ENOX1: variants seen among roughly 807,000 people sequenced by gnomAD.
ENOX1 encodes the protein candidate growth-related and time keeping constitutive hydroquinone (NADH) oxidase.
Under a neutral mutation model 82.5 loss-of-function variants are expected in ENOX1, and 42 were observed. The observed-to-expected ratio is 0.51, with a 90% CI of 0.40 to 0.66. The LOEUF (loss-of-function observed/expected upper bound fraction) is 0.66, where lower values mean the gene tolerates loss of function less well. ENOX1 is among the 30% of genes least tolerant of loss of function. The pLI is 0.00. For synonymous variants in ENOX1, 271 were observed against 282.2 expected (o/e 0.96, Z 0.40); for missense variants, 608 against 811.6 (o/e 0.75, Z 3.05).
chr13:43,395,674 C>T (rs557332029), intron 5 of ENOX1, among the ~76,000 whole-genome samples: 14 of 152,292 alleles, frequency 9.2e-5, no homozygotes, highest in African/African-American at 2.9e-4. Flanking sequence ...TCCATACTTT[C>T]GTTATTTTTG....
intron 15 of ENOX1, among the ~76,000 whole-genome samples, chr13:43,233,962 T>C (rs984318791): frequency 3.9e-5 from 6 of 152,250 alleles, no homozygotes; most frequent in East Asian, 1.9e-4. Context: ...AGAGGGCTCC[T>C]AGAATCATTC....
chr13:43,572,477 T>A (rs1022893633), intron 2 of ENOX1, among the ~76,000 whole-genome samples: 1 of 152,194 alleles, frequency 6.6e-6, no homozygotes, highest in Non-Finnish European at 1.5e-5. Context: ...CACAGCTCAA[T>A]GAAAACAATG....
intron 2 of ENOX1, among the ~76,000 whole-genome samples, chr13:43,501,964 T>C (rs79476994): frequency 0.035 from 5,284 of 151,464 alleles, 316 homozygotes; most frequent in African/African-American, 0.12. Context: ...AGTTGGTTTT[T>C]TGAAAAGATA....
chr13:43,349,904 C>G (rs2049661216), intron 8 of ENOX1, among the ~76,000 whole-genome samples: 1 of 149,494 alleles, frequency 6.7e-6, no homozygotes, highest in African/African-American at 2.4e-5. Context: ...CCTGTCCCCA[C>G]AGCTGTCACT....
At chr13:43,611,530 G>T (rs1226688803) in intron 2 of ENOX1, among the ~76,000 whole-genome samples, 1 of 152,142 alleles carries the variant, frequency 6.6e-6, no homozygotes, top group Non-Finnish European at 1.5e-5. Flanking sequence ...ACTCCCTGAA[G>T]TACTGCTGAT....
intron 1 of ENOX1, among the ~76,000 whole-genome samples, chr13:43,705,477 A>T (rs2087213989): frequency 6.6e-6 from 1 of 151,850 alleles, no homozygotes; most frequent in South Asian, 2.1e-4. Flanking sequence ...GTTTAAAAAA[A>T]AGAATGAAAA....
chr13:43,551,910 A>G (rs1566510021), intron 2 of ENOX1, among the ~76,000 whole-genome samples: 1 of 151,926 alleles, frequency 6.6e-6, no homozygotes. Flanking sequence ...ATTTTTTTCC[A>G]TTTGCTTCTT....
chr13:43,300,997 C>G (rs370297060), intron 11 of ENOX1, among the ~76,000 whole-genome samples: 3 of 152,072 alleles, frequency 2.0e-5, no homozygotes. Flanking sequence ...CTGACAGCTC[C>G]GTTTACCAAG....
chr13:43,556,312 G>C (rs1477942230), intron 2 of ENOX1, among the ~76,000 whole-genome samples: 3 of 151,810 alleles, frequency 2.0e-5, no homozygotes, highest in African/African-American at 4.8e-5. Context: ...ATTTTGCAGA[G>C]ATTCATATTA....
At chr13:43,242,188 C>T (rs2042868285) in intron 14 of ENOX1, among the ~76,000 whole-genome samples, 1 of 152,230 alleles carries the variant, frequency 6.6e-6, no homozygotes. Context: ...TCCCAGTCCT[C>T]TTACCATGTG....
Position 43,251,481 on chromosome 13 carries a change from C to T in ENOX1, c.1611+13917G>A, listed in dbSNP as rs75146810. On this transcript the variant is annotated intron_variant, in intron 14 of 16. Transcript: ENST00000690772. ...GTTCTGCAAGGAATACATACAAATT[C>T]TCCACTTTAAGGAACATGATCTGAG... Among the ~76,000 whole-genome samples the T allele has an allele frequency of 1.3e-4, 20 of 152,304 alleles. No homozygotes were observed. The East Asian group carries it at 3.5e-3, about 26-fold the overall frequency.
At chr13:43,625,953 G>C (rs1417420292) in intron 2 of ENOX1, among the ~76,000 whole-genome samples, 1 of 151,838 alleles carries the variant, frequency 6.6e-6, no homozygotes, top group Non-Finnish European at 1.5e-5. Flanking sequence ...GAATTCTCCA[G>C]TAAAACAAAT....
chr13:43,480,331 T>A (rs1399313595), intron 3 of ENOX1, among the ~76,000 whole-genome samples: 1 of 152,170 alleles, frequency 6.6e-6, no homozygotes, highest in East Asian at 1.9e-4. Context: ...TGAAGAAACA[T>A]CAATAGATGA....
chr13:43,722,788 T>A (rs926311687), intron 1 of ENOX1, among the ~76,000 whole-genome samples: 1 of 152,160 alleles, frequency 6.6e-6, no homozygotes, highest in Non-Finnish European at 1.5e-5. Flanking sequence ...TTCCACTGAA[T>A]TCAAAGTCAA....
At chr13:43,436,137 T>C (rs2025480) in intron 3 of ENOX1, among the ~76,000 whole-genome samples, 65,296 of 152,096 alleles carry the variant, frequency 0.43, 14,662 homozygotes, top group South Asian at 0.56. Flanking sequence ...ACAATAGTAG[T>C]TTTATTCTCT....
intron 2 of ENOX1, among the ~76,000 whole-genome samples, chr13:43,612,430 G>C (rs2082236527): frequency 6.6e-6 from 1 of 152,164 alleles, no homozygotes; most frequent in Non-Finnish European, 1.5e-5. Flanking sequence ...AAAGGGAACT[G>C]AATTTTCATT....
In ENOX1 at chr13:43,473,060, A is replaced by C. The variant is rs999057521; in HGVS notation, c.-75+10949T>G. The stretch of plus-strand genomic sequence containing the variant: ...AAATGAAAATAGGTTTTCATAAATT[A>C]TATTTTCTATGGGTCTTGTATTATC... On this transcript the variant is annotated intron_variant, in intron 3 of 16. Transcript: ENST00000690772. 7.2e-5 allele frequency among the ~76,000 whole-genome samples: 11 copies of C among 152,304 alleles called. No individual in the cohort carries two copies. The East Asian group carries it at 1.9e-3, about 27-fold the overall frequency.
intron 1 of ENOX1, among the ~76,000 whole-genome samples, chr13:43,694,872 G>T (rs186821244): frequency 6.6e-6 from 1 of 152,240 alleles, no homozygotes; most frequent in East Asian, 1.9e-4. Flanking sequence ...CCTTGAAAGA[G>T]CTTAACTAAA....
intron 5 of ENOX1, among the ~76,000 whole-genome samples, chr13:43,405,683 AT>A (rs1242968537): frequency 1.3e-5 from 2 of 152,194 alleles, no homozygotes; most frequent in Middle Eastern, 3.2e-3. Flanking sequence ...GAAATGTCTC[AT>A]GAATCCCTTC....
Sources: allele counts gnomAD v4.1 joint callset (sites outside exome capture counted in the v4.1 genomes callset), GRCh38; gene constraint gnomAD v4.1.1; transcripts MANE v1.5; gene names NCBI Gene and HGNC (gene_info 2026-07-23, HGNC 2026-07-21).